Variants in MRGPRX2 observed in about 807,000 individuals in gnomAD.
MRGPRX2 encodes MAS related GPR family member X2, also known as mas-related G protein-coupled receptor member X2.
For missense variants in MRGPRX2, 389 were observed against 404.5 expected (o/e 0.96, Z 0.33); for synonymous variants, 183 against 175.6 (o/e 1.04, Z -0.33).
chr11:19,058,517 C>T (rs61220058), intron 1 of MRGPRX2, among the ~76,000 whole-genome samples: 8,422 of 151,380 alleles, frequency 0.056, 795 homozygotes, highest in African/African-American at 0.19. Context: ...GCCTCCTGGG[C>T]TCACGCCATT....
rs75443524 is a variant in MRGPRX2 at position 19,056,222 on chromosome 11, T to C, written c.181A>G (p.Arg61Gly). 3.4e-4 allele frequency: 544 copies of C among 1,614,122 alleles called. 9 individuals are homozygous for C. The East Asian group carries it at 0.012, about 36-fold the overall frequency. Residue 61 changes from arginine to glycine, a missense_variant, in exon 2 of 2, where the codon AGG becomes GGG. Coordinates refer to ENST00000329773, the MANE Select transcript of MRGPRX2 (RefSeq NM_054030.4). ...VLWLLGFRMRRNAFSVYVLSL... is the reference protein window; with the variant it reads ...VLWLLGFRMRGNAFSVYVLSL... ...AGGACGTAGACAGAGAAGGCGTTCCTGCGCATGCGGAAGCCCAGGAGCCAG... is the reference window on the plus strand; with the variant it reads ...AGGACGTAGACAGAGAAGGCGTTCCCGCGCATGCGGAAGCCCAGGAGCCAG...
chr11:19,058,212 C>G (rs1849635575), intron 1 of MRGPRX2, among the ~76,000 whole-genome samples: 1 of 152,164 alleles, frequency 6.6e-6, no homozygotes, highest in Admixed American at 6.5e-5. Flanking sequence ...AGAAAACTCT[C>G]ATGGGTTGGA....
chr11:19,057,055 T>A (rs567231882), intron 1 of MRGPRX2, among the ~76,000 whole-genome samples: 1 of 152,282 alleles, frequency 6.6e-6, no homozygotes, highest in Admixed American at 6.5e-5. Flanking sequence ...TAGCTCAATG[T>A]GAGGGCATAG....
intron 1 of MRGPRX2, 45 bp from the exon 2 acceptor site, chr11:19,056,472 A>G: frequency 6.5e-7 from 1 of 1,539,716 alleles, no homozygotes; most frequent in Non-Finnish European, 8.8e-7. Context: ...ATGTTCACTG[A>G]TTTTCATGAC....
intron 1 of MRGPRX2, 99 bp from the exon 2 acceptor site, chr11:19,056,526 G>T: frequency 8.4e-7 from 1 of 1,189,544 alleles, no homozygotes; most frequent in Non-Finnish European, 1.2e-6. Context: ...TACAGGAGAG[G>T]AAATCAGAGG....
chr11:19,058,555 G>A (rs1307140214), intron 1 of MRGPRX2, among the ~76,000 whole-genome samples: 3 of 152,014 alleles, frequency 2.0e-5, no homozygotes, highest in East Asian at 3.9e-4. Flanking sequence ...CGAGTAGCTG[G>A]GACTACAGGT....
At position 19,058,409 on chromosome 11, in the gene MRGPRX2, C is replaced by G. The variant is rs1590039995; in HGVS notation, c.-25-1982G>C. On this transcript the variant is annotated intron_variant, in intron 1 of 1. Transcript: ENST00000329773. Reference sequence around the variant, plus strand: ...GCCTTTTTATTCGTGGCACTGAACACAGTTTGCACCTGTATTTTTTTTTTT... The same window carrying G: ...GCCTTTTTATTCGTGGCACTGAACAGAGTTTGCACCTGTATTTTTTTTTTT... Among the ~76,000 whole-genome samples the G allele has an allele frequency of 2.0e-5, 3 of 151,238 alleles. No homozygotes were observed. The East Asian group carries it at 5.8e-4, about 29-fold the overall frequency.
chr11:19,058,722 G>A (rs542987301), intron 1 of MRGPRX2, among the ~76,000 whole-genome samples: 12 of 152,072 alleles, frequency 7.9e-5, no homozygotes, highest in South Asian at 6.2e-4. Flanking sequence ...CACCGTGCCC[G>A]GCCCTGCACC....
Sources: allele counts gnomAD v4.1 joint callset (sites outside exome capture counted in the v4.1 genomes callset), GRCh38; gene constraint gnomAD v4.1.1; transcripts MANE v1.5; gene names NCBI Gene and HGNC (gene_info 2026-07-23, HGNC 2026-07-21).